The following ANO10 variants were observed in gnomAD, a reference collection of about 807,000 sequenced individuals.
ANO10 encodes the protein anoctamin 10.
ANO10 carries 77 observed loss-of-function variants against 74.7 expected under a neutral mutation model. The observed-to-expected ratio is 1.03, with a 90% CI of 0.86 to 1.25. ANO10 has a LOEUF of 1.25. Ranked by LOEUF, ANO10 falls within the 50% of genes most tolerant of loss-of-function variation. The pLI, the probability that ANO10 is intolerant of heterozygous loss-of-function variation, is 0.00. For missense variants in ANO10, 721 were observed against 778.1 expected (o/e 0.93, Z 0.87); for synonymous variants, 279 against 284.9 (o/e 0.98, Z 0.21).
chr3:43,377,981 C>T (rs749567273), intron 12 of ANO10, among the ~76,000 whole-genome samples: 5 of 152,186 alleles, frequency 3.3e-5, no homozygotes, highest in Non-Finnish European at 7.3e-5. Context: ...AGTGTCCAGC[C>T]TCCCACTGCA....
chr3:43,545,411 T>C (rs1291778694), intron 11 of ANO10, among the ~76,000 whole-genome samples: 1 of 152,166 alleles, frequency 6.6e-6, no homozygotes, highest in Non-Finnish European at 1.5e-5. Context: ...TCTCTCTCTG[T>C]CGCCCAGGCT....
chr3:43,528,127 G>T (rs1168041554), intron 11 of ANO10, among the ~76,000 whole-genome samples: 2 of 151,486 alleles, frequency 1.3e-5, no homozygotes, highest in African/African-American at 2.4e-5. Context: ...AAAAAACTCA[G>T]TAAGCTACCC....
intron 12 of ANO10, among the ~76,000 whole-genome samples, chr3:43,430,462 G>A (rs1242994778): frequency 6.6e-6 from 1 of 151,830 alleles, no homozygotes; most frequent in African/African-American, 2.4e-5. Context: ...TGGTGGGGAG[G>A]TTCATAAGGA....
At chr3:43,671,501 G>A (rs2149577579) in intron 1 of ANO10, among the ~76,000 whole-genome samples, 1 of 152,112 alleles carries the variant, frequency 6.6e-6, no homozygotes, top group East Asian at 1.9e-4. Flanking sequence ...CCCTACTGAA[G>A]GTTCAATTAT....
chr3:43,662,102 C>T (rs2083933142), intron 1 of ANO10, among the ~76,000 whole-genome samples: 2 of 152,196 alleles, frequency 1.3e-5, no homozygotes, highest in Admixed American at 1.3e-4. Flanking sequence ...ACAGAATATA[C>T]ATTCTTCTCA....
intron 1 of ANO10, among the ~76,000 whole-genome samples, chr3:43,656,518 T>A (rs930277672): frequency 6.6e-6 from 1 of 151,910 alleles, no homozygotes; most frequent in Non-Finnish European, 1.5e-5. Flanking sequence ...CAGGAGCCCA[T>A]GGAGGGGGTG....
intron 1 of ANO10, among the ~76,000 whole-genome samples, chr3:43,610,918 C>G (rs536686160): frequency 6.6e-6 from 1 of 152,220 alleles, no homozygotes; most frequent in African/African-American, 2.4e-5. Flanking sequence ...CCCAAAAGAA[C>G]CTGCATTTTT....
intron 11 of ANO10, among the ~76,000 whole-genome samples, chr3:43,505,068 G>A (rs2077243603): frequency 6.6e-6 from 1 of 152,176 alleles, no homozygotes; most frequent in Non-Finnish European, 1.5e-5. Flanking sequence ...GAGTTGCTCT[G>A]ATTTGCTTTA....
intron 7 of ANO10, among the ~76,000 whole-genome samples, chr3:43,567,961 C>T (rs4256099): frequency 0.78 from 118,046 of 151,800 alleles, 46,435 homozygotes; most frequent in East Asian, 0.89. Context: ...GAGACACCCA[C>T]AGGCTCAAAA....
chr3:43,568,054 C>T (rs958016781), intron 7 of ANO10, among the ~76,000 whole-genome samples: 15 of 152,068 alleles, frequency 9.9e-5, no homozygotes, highest in Non-Finnish European at 1.6e-4. Flanking sequence ...ATAAAACAGA[C>T]TTTAAACCAA....
rs143263806 is a variant in ANO10, at chr3:43,670,251, G to A, written c.-12+21266C>T. Among the ~76,000 whole-genome samples the A allele has an allele frequency of 6.6e-4, 100 of 151,960 alleles. 3 individuals carry two copies. The highest frequency in any genetic ancestry group is 2.3e-3 in the African/African-American group (97 of 41,478). ...GTGGCACATGCCTGTAGTCCCAGAC[G>A]CTCAGGAGGCTGAGGTGGGAGGATT... On this transcript the variant is annotated intron_variant, in intron 1 of 3. Coordinates refer to the ANO10 transcript ENST00000413397.
chr3:43,471,754 C>T (rs1161717320), intron 11 of ANO10, among the ~76,000 whole-genome samples: 1 of 152,148 alleles, frequency 6.6e-6, no homozygotes, highest in Non-Finnish European at 1.5e-5. Flanking sequence ...GCCTGAGTGA[C>T]ACAGTGAGAC....
Position 43,368,624 on chromosome 3 carries a change from C to A in ANO10, c.1915-1650G>T, listed in dbSNP as rs936763834. ...TAAATAAAAACTGTAATATTTCAGCCCAGGTTCACTGCAGACTCTTCTAGC... is the reference window on the plus strand; with the variant it reads ...TAAATAAAAACTGTAATATTTCAGCACAGGTTCACTGCAGACTCTTCTAGC... On this transcript the variant is annotated intron_variant, in intron 12 of 12. Transcript: ENST00000292246. Among the ~76,000 whole-genome samples, 8 of 152,148 alleles carry A rather than the reference C, an allele frequency of 5.3e-5. No homozygotes were observed. The East Asian group carries it at 1.5e-3, about 29-fold the overall frequency.
intron 10 of ANO10, among the ~76,000 whole-genome samples, chr3:43,552,707 T>C (rs1459010165): frequency 8.9e-6 from 1 of 112,784 alleles, no homozygotes; most frequent in East Asian, 2.3e-4. Flanking sequence ...GATATATATA[T>C]ATATATATAT....
At chr3:43,464,217 A>G (rs1040678362) in intron 11 of ANO10, among the ~76,000 whole-genome samples, 1 of 152,224 alleles carries the variant, frequency 6.6e-6, no homozygotes, top group Admixed American at 6.5e-5. Context: ...GGGGACATTC[A>G]TGAGGACAGT....
At chr3:43,588,408 G>GA (rs2081574245) in intron 4 of ANO10, among the ~76,000 whole-genome samples, 1 of 151,524 alleles carries the variant, frequency 6.6e-6, no homozygotes, top group East Asian at 1.9e-4. Flanking sequence ...ATTGAAATGG[G>GA]AAAAAAGATG....
chr3:43,422,894 A>C (rs1288289289), intron 12 of ANO10, among the ~76,000 whole-genome samples: 4 of 152,218 alleles, frequency 2.6e-5, no homozygotes, highest in African/African-American at 9.7e-5. Flanking sequence ...TGTGCACTTT[A>C]AAGAAATTTT....
intron 1 of ANO10, among the ~76,000 whole-genome samples, chr3:43,641,693 G>A (rs768393627): frequency 1.3e-5 from 2 of 152,182 alleles, no homozygotes; most frequent in Non-Finnish European, 2.9e-5. Context: ...CAGAAAATTA[G>A]AGCACACATG....
chr3:43,636,791 G>C (rs1257731159), intron 1 of ANO10, among the ~76,000 whole-genome samples: 1 of 152,176 alleles, frequency 6.6e-6, no homozygotes, highest in Non-Finnish European at 1.5e-5. Flanking sequence ...TTGTAAACCT[G>C]AATTGATATT....
Sources: allele counts gnomAD v4.1 joint callset (sites outside exome capture counted in the v4.1 genomes callset), GRCh38; gene constraint gnomAD v4.1.1; transcripts MANE v1.5; gene names NCBI Gene and HGNC (gene_info 2026-07-23, HGNC 2026-07-21).